SPOCK1: variants seen among roughly 807,000 people sequenced by gnomAD.
The protein encoded by SPOCK1 is testican-1.
Under a neutral mutation model 55.3 loss-of-function variants are expected in SPOCK1, and 23 were observed. That is an observed-to-expected ratio of 0.42 (90% CI 0.30 to 0.59). The LOEUF is 0.59. SPOCK1 is among the 20% of genes least tolerant of loss of function. The pLI is 0.22. For missense variants in SPOCK1, 499 were observed against 552.5 expected, an observed-to-expected ratio of 0.90 and a Z score of 0.97; for synonymous variants, 226 against 221.0, an observed-to-expected ratio of 1.02 and a Z score of -0.20.
intron 5 of SPOCK1, among the ~76,000 whole-genome samples, chr5:137,110,285 C>T (rs1292633450): frequency 6.6e-6 from 1 of 152,182 alleles, no homozygotes; most frequent in Admixed American, 6.5e-5. Context: ...TAGAAGGGTT[C>T]TATAAACACT....
intron 2 of SPOCK1, among the ~76,000 whole-genome samples, chr5:137,410,201 C>A (rs992932005): frequency 1.3e-5 from 2 of 152,230 alleles, no homozygotes; most frequent in African/African-American, 4.8e-5. Context: ...CATTCACAGG[C>A]ACTTAATCAA....
At chr5:137,263,849 G>C (rs2127114416) in intron 3 of SPOCK1, among the ~76,000 whole-genome samples, 1 of 152,248 alleles carries the variant, frequency 6.6e-6, no homozygotes, top group South Asian at 2.1e-4. Context: ...TTCACTTAAA[G>C]ATAACAAGTT....
Position 137,233,713 on chromosome 5 carries a change from C to CTTT in SPOCK1, c.232+33294_232+33296dup, listed in dbSNP as rs56328555. Among the ~76,000 whole-genome samples the CTTT allele has an allele frequency of 6.3e-3, 365 of 58,354 alleles. 7 individuals are homozygous for CTTT. Among genetic ancestry groups the CTTT allele is most frequent in the African/African-American group, 0.026 (284 of 10,990 alleles). 38.3% of individuals were successfully genotyped at this position (58,354 alleles called of 152,430 possible). Reference sequence around the variant, plus strand: ...TTCATTGTTAGTATGAGGATATGCACTTTTTTTTTTTTTTTTTTTTTTTTT... The same window carrying CTTT: ...TTCATTGTTAGTATGAGGATATGCACTTTTTTTTTTTTTTTTTTTTTTTTTTTT... On this transcript the variant is annotated intron_variant, in intron 3 of 10. Transcript: ENST00000394945.
chr5:137,397,752 A>C (rs1434393852), intron 2 of SPOCK1, among the ~76,000 whole-genome samples: 1 of 152,132 alleles, frequency 6.6e-6, no homozygotes, highest in Admixed American at 6.5e-5. Context: ...TGAGAATAAC[A>C]CTAATACAGA....
At chr5:137,278,456 C>G (rs1398978299) in intron 2 of SPOCK1, among the ~76,000 whole-genome samples, 2 of 152,192 alleles carry the variant, frequency 1.3e-5, no homozygotes, top group Non-Finnish European at 2.9e-5. Context: ...TTTTCCTGTA[C>G]AATCACCAAC....
At chr5:137,477,539 A>G (rs988451666) in intron 2 of SPOCK1, among the ~76,000 whole-genome samples, 1 of 152,168 alleles carries the variant, frequency 6.6e-6, no homozygotes, top group Non-Finnish European at 1.5e-5. Context: ...CTTCTGAAGC[A>G]TTTCTCAGTA....
intron 5 of SPOCK1, among the ~76,000 whole-genome samples, chr5:137,101,345 A>T (rs1204315136): frequency 6.6e-6 from 1 of 152,206 alleles, no homozygotes; most frequent in Non-Finnish European, 1.5e-5. Flanking sequence ...TCATCTCCTG[A>T]TGAAGTGAGG....
chr5:137,086,637 C>A (rs1367377150), intron 5 of SPOCK1, among the ~76,000 whole-genome samples: 1 of 152,188 alleles, frequency 6.6e-6, no homozygotes, highest in East Asian at 1.9e-4. Flanking sequence ...ACCATTCCTG[C>A]ATCCACTGAG....
rs1751350784 is a variant in SPOCK1, at chr5:137,011,660, C to G, written c.590-19060G>C. ...CATCTACCACATCAGCAATAAATTG[C>G]ACTGATAATGTAATTAAAAATATCA... On this transcript the variant is annotated intron_variant, in intron 6 of 10. Transcript: ENST00000394945. Among the ~76,000 whole-genome samples, 10 of 152,320 alleles carry G rather than the reference C, an allele frequency of 6.6e-5. 1 individual carries two copies. The Middle Eastern group carries it at 0.02, about 311-fold the overall frequency.
At chr5:137,098,206 C>A (rs1753191585) in intron 5 of SPOCK1, among the ~76,000 whole-genome samples, 1 of 149,794 alleles carries the variant, frequency 6.7e-6, no homozygotes, top group African/African-American at 2.5e-5. Flanking sequence ...AACTGGAGAG[C>A]ATAGGAAGAT....
At chr5:137,209,078 G>C (rs768018151) in intron 3 of SPOCK1, among the ~76,000 whole-genome samples, 1 of 152,238 alleles carries the variant, frequency 6.6e-6, no homozygotes, top group Middle Eastern at 3.4e-3. Flanking sequence ...TGTTTTATAG[G>C]AGTGTTGTAA....
chr5:137,068,804 A>G (rs1752555247), intron 5 of SPOCK1, among the ~76,000 whole-genome samples: 1 of 152,206 alleles, frequency 6.6e-6, no homozygotes, highest in African/African-American at 2.4e-5. Context: ...TAATTATGCA[A>G]CTTTGCTATT....
intron 3 of SPOCK1, among the ~76,000 whole-genome samples, chr5:137,180,102 T>C (rs1754940819): frequency 6.6e-6 from 1 of 152,180 alleles, no homozygotes; most frequent in Non-Finnish European, 1.5e-5. Context: ...AATGGGAATC[T>C]ACCTGGATCT....
chr5:137,269,040 C>A (rs1231406137), intron 2 of SPOCK1, among the ~76,000 whole-genome samples: 3 of 18,816 alleles, frequency 1.6e-4, no homozygotes, highest in Non-Finnish European at 2.1e-4. Flanking sequence ...GAATTTGAAG[C>A]ATTCTTCTGG....
intron 2 of SPOCK1, among the ~76,000 whole-genome samples, chr5:137,372,243 A>C (rs1429752636): frequency 2.0e-5 from 3 of 152,182 alleles, no homozygotes; most frequent in African/African-American, 7.2e-5. Context: ...TCAGTTCCTC[A>C]TGTGGACCCA....
chr5:137,374,149 A>G (rs984434299), intron 2 of SPOCK1, among the ~76,000 whole-genome samples: 2 of 152,270 alleles, frequency 1.3e-5, no homozygotes, highest in Middle Eastern at 3.2e-3. Context: ...CAGTTATAAT[A>G]GTAATAACTA....
intron 3 of SPOCK1, among the ~76,000 whole-genome samples, chr5:137,217,466 G>T (rs538295646): frequency 2.0e-5 from 3 of 152,268 alleles, no homozygotes; most frequent in Non-Finnish European, 2.9e-5. Flanking sequence ...TTTCCCATCT[G>T]TAAAACATGG....
chr5:137,288,971 G>C (rs962124350), intron 2 of SPOCK1, among the ~76,000 whole-genome samples: 1 of 152,218 alleles, frequency 6.6e-6, no homozygotes, highest in Non-Finnish European at 1.5e-5. Flanking sequence ...CAAAAAGCAA[G>C]GATACATCCT....
intron 6 of SPOCK1, among the ~76,000 whole-genome samples, chr5:137,064,562 G>A (rs1253041849): frequency 6.6e-6 from 1 of 152,134 alleles, no homozygotes; most frequent in East Asian, 1.9e-4. Flanking sequence ...CTTCTGGAAG[G>A]GGCTGCTGAC....
Sources: allele counts gnomAD v4.1 joint callset (sites outside exome capture counted in the v4.1 genomes callset), GRCh38; gene constraint gnomAD v4.1.1; transcripts MANE v1.5; gene names NCBI Gene and HGNC (gene_info 2026-07-23, HGNC 2026-07-21).